Variants in FGF13 observed in about 807,000 individuals in gnomAD.
FGF13 encodes fibroblast growth factor homologous factor 2.
A neutral mutation model predicts 19.5 loss-of-function variants in FGF13; 2 were observed. The ratio of observed to expected loss-of-function variants is 0.10; its 90% CI spans 0.04 to 0.32. FGF13 has a LOEUF of 0.32. Ranked by LOEUF, FGF13 falls within the 10% of genes least tolerant of loss-of-function variation. The pLI is 1.00. For missense variants in FGF13, 113 were observed against 192.7 expected, an observed-to-expected ratio of 0.59 and a Z score of 2.45; for synonymous variants, 72 against 76.9, an observed-to-expected ratio of 0.94 and a Z score of 0.33.
At chrX:138,715,373 TTG>T (rs904473036), upstream of FGF13, among the ~76,000 whole-genome samples, 1 of 112,387 alleles carries the variant, frequency 8.9e-6, no homozygotes, top group African/African-American at 3.2e-5. Context: ...AGTTTTCACT[TTG>T]TATTCTTCAG....
chrX:139,007,061 A>T (rs1442074255), intron 1 of FGF13, among the ~76,000 whole-genome samples: 1 of 111,725 alleles, frequency 9.0e-6, no homozygotes, highest in African/African-American at 3.2e-5. Flanking sequence ...GGCTGAATGG[A>T]TTTTAAAAAA....
chrX:139,179,903 G>A (rs752915323), intron 1 of FGF13, among the ~76,000 whole-genome samples: 8 of 112,994 alleles, frequency 7.1e-5, no homozygotes, highest in African/African-American at 2.6e-4. Flanking sequence ...GCACTCCTTG[G>A]GTGTCCCCAT....
intron 1 of FGF13, among the ~76,000 whole-genome samples, chrX:138,738,486 C>T (rs2090296254): frequency 9.0e-6 from 1 of 111,492 alleles, no homozygotes; most frequent in African/African-American, 3.3e-5. Context: ...GATTTCACTC[C>T]TCCAAAAGAA....
chrX:138,783,394 A>G (rs1405719670), intron 3 of FGF13, among the ~76,000 whole-genome samples: 3 of 106,819 alleles, frequency 2.8e-5, no homozygotes, highest in Non-Finnish European at 3.8e-5. Context: ...AAAATGGAAG[A>G]AAATTTTTGC....
At chrX:139,065,095 C>A (rs985659025) in intron 1 of FGF13, among the ~76,000 whole-genome samples, 2 of 110,392 alleles carry the variant, frequency 1.8e-5, no homozygotes, top group African/African-American at 6.6e-5. Context: ...AGGTTGTTAG[C>A]TTCCTTGCAT....
At chrX:139,176,380 G>GT (rs36133825) in intron 1 of FGF13, among the ~76,000 whole-genome samples, 1,438 of 88,955 alleles carry the variant, frequency 0.016, 26 homozygotes, top group Admixed American at 0.045. Flanking sequence ...TTTTTGAAGG[G>GT]TTTTTTTTTT....
At chrX:139,116,564 A>G in intron 1 of FGF13, among the ~76,000 whole-genome samples, 1 of 111,714 alleles carries the variant, frequency 9.0e-6, no homozygotes, top group Middle Eastern at 4.6e-3. Context: ...AAAAGCAAAT[A>G]TCCCTTCTCA....
rs140696304 is a variant in FGF13, at chrX:139,141,121, A to G, written c.-113+62295T>C. Among the ~76,000 whole-genome samples, 133 of 109,178 alleles carry G rather than the reference A, an allele frequency of 1.2e-3. 1 individual carries two copies. The East Asian group carries it at 0.022, about 18-fold the overall frequency. The allele number at this position is 109,178 out of a possible 115,157, so 94.8% of individuals were successfully genotyped here. On this transcript the variant is annotated intron_variant, in intron 1 of 2. Transcript: ENST00000421460. ...AGAGTGTACACACACACACACACAC[A>G]CACACACACACAATTGGCACCCTTT...
intron 2 of FGF13, among the ~76,000 whole-genome samples, chrX:138,707,678 T>G (rs1269408055): frequency 8.9e-6 from 1 of 112,143 alleles, no homozygotes; most frequent in African/African-American, 3.2e-5. Context: ...ATAGAACTTT[T>G]GCAAAACAGT....
intron 1 of FGF13, among the ~76,000 whole-genome samples, chrX:139,066,914 A>C (rs1465791874): frequency 9.0e-6 from 1 of 111,386 alleles, no homozygotes; most frequent in African/African-American, 3.3e-5. Flanking sequence ...CCAGCAGCAC[A>C]TCAAAAAGCT....
chrX:139,027,825 CAGAG>C (rs1334313592), intron 1 of FGF13, among the ~76,000 whole-genome samples: 1 of 111,738 alleles, frequency 8.9e-6, no homozygotes, highest in Non-Finnish European at 1.9e-5. Context: ...TTTCTAGACT[CAGAG>C]AGAAGGAATT....
intron 1 of FGF13, among the ~76,000 whole-genome samples, chrX:138,732,089 A>T (rs1316582251): frequency 3.6e-5 from 4 of 111,641 alleles, no homozygotes. Context: ...TGACAACCCT[A>T]AAAGCTGATG....
chrX:138,619,251 A>C lies in FGF13; in HGVS notation c.*13599T>G, dbSNP rs765418915. The C allele has an allele frequency of 1.4e-4, 15 of 110,658 alleles. No individual in the cohort carries two copies. Among genetic ancestry groups the C allele is most frequent in the Admixed American group, 5.7e-4 (6 of 10,453 alleles). 9.1% of individuals were successfully genotyped at this position (110,658 alleles called of 1,213,427 possible). A position where few individuals can be genotyped will look rare whatever the true frequency, so the allele number is the denominator to read the frequency against. On this transcript the variant is annotated 3_prime_UTR_variant, in exon 5 of 5. Transcript: ENST00000315930. ...CAAAGAGATAGAAACTGTGAAAAACAAACAAACAAACAAACAAACAAATTC... is the reference window on the plus strand; with the variant it reads ...CAAAGAGATAGAAACTGTGAAAAACCAACAAACAAACAAACAAACAAATTC...
chrX:139,054,405 G>C (rs771647939), intron 1 of FGF13, among the ~76,000 whole-genome samples: 55 of 111,069 alleles, frequency 5.0e-4, no homozygotes, highest in African/African-American at 1.7e-3. Flanking sequence ...TTACAGGCGT[G>C]AGCCACCGCG....
chrX:139,113,213 G>C (rs898794977), intron 1 of FGF13, among the ~76,000 whole-genome samples: 1 of 110,422 alleles, frequency 9.1e-6, no homozygotes, highest in Non-Finnish European at 1.9e-5. Flanking sequence ...GTGGGATTCA[G>C]TCGCATTCAA....
At chrX:139,198,264 T>G (rs2084389909) in intron 1 of FGF13, among the ~76,000 whole-genome samples, 1 of 112,036 alleles carries the variant, frequency 8.9e-6, no homozygotes. Flanking sequence ...TTGACTGGCC[T>G]GCCTTTCACC....
chrX:138,730,301 G>A (rs1433695341), intron 1 of FGF13, among the ~76,000 whole-genome samples: 3 of 110,898 alleles, frequency 2.7e-5, no homozygotes, highest in Non-Finnish European at 3.8e-5. Context: ...AAACCTGCAC[G>A]TTGTGCACAT....
At chrX:138,680,215 C>T (rs984861196) in intron 3 of FGF13, among the ~76,000 whole-genome samples, 2 of 111,716 alleles carry the variant, frequency 1.8e-5, no homozygotes, top group Admixed American at 9.5e-5. Context: ...AAGCCCTAAA[C>T]CCATCAAAGT....
At chrX:139,052,869 A>G (rs2092306973) in intron 1 of FGF13, among the ~76,000 whole-genome samples, 1 of 109,342 alleles carries the variant, frequency 9.1e-6, no homozygotes, top group African/African-American at 3.3e-5. Flanking sequence ...TAATTTTTCC[A>G]TAAGTTATTG....
Sources: gnomAD v4.1 joint callset for allele counts (sites outside exome capture counted in the v4.1 genomes callset) on GRCh38, gnomAD v4.1.1 for gene constraint, MANE v1.5 for transcripts, NCBI Gene and HGNC (gene_info 2026-07-23, HGNC 2026-07-21) for gene names.